Variants in KIAA0825 observed in about 807,000 individuals in gnomAD.
The protein encoded by KIAA0825 is uncharacterized protein KIAA0825.
Under a neutral mutation model 147.6 loss-of-function variants are expected in KIAA0825, and 119 were observed. The ratio of observed to expected loss-of-function variants is 0.81; its 90% CI spans 0.69 to 0.94. The LOEUF is 0.94. Ranked by LOEUF, KIAA0825 falls within the 40% of genes least tolerant of loss-of-function variation. KIAA0825 has a pLI of 0.00. For synonymous variants in KIAA0825, 470 were observed against 518.1 expected, an observed-to-expected ratio of 0.91 and a Z score of 1.26; for missense variants, 1,381 against 1,472.7, an observed-to-expected ratio of 0.94 and a Z score of 1.02.
At chr5:94,519,356 C>A in intron 5 of KIAA0825, 1 of 893,194 alleles carries the variant, frequency 1.1e-6, no homozygotes, top group Non-Finnish European at 1.3e-6. Context: ...AGTTTATGAA[C>A]TTATTCAGAA....
chr5:94,460,861 T>C (rs539769535), intron 12 of KIAA0825, among the ~76,000 whole-genome samples: 3 of 152,174 alleles, frequency 2.0e-5, no homozygotes, highest in African/African-American at 7.2e-5. Context: ...GATAAAACTT[T>C]TGAAATTTTC....
chr5:94,475,690 T>A (rs1023222860), intron 7 of KIAA0825, among the ~76,000 whole-genome samples: 4 of 152,040 alleles, frequency 2.6e-5, no homozygotes, highest in African/African-American at 9.7e-5. Context: ...GCGCCTGTAA[T>A]CCCAGCTACT....
intron 20 of KIAA0825, among the ~76,000 whole-genome samples, chr5:94,351,214 T>C (rs923592318): frequency 2.0e-5 from 3 of 151,278 alleles, no homozygotes; most frequent in African/African-American, 7.3e-5. Context: ...GATAAAAGAG[T>C]TCAGCAAAGT....
At chr5:94,186,938 T>G (rs781039503) in intron 20 of KIAA0825, among the ~76,000 whole-genome samples, 4 of 152,106 alleles carry the variant, frequency 2.6e-5, no homozygotes, top group Non-Finnish European at 4.4e-5. Flanking sequence ...TCAGAAGTCA[T>G]GTAGTAGAGC....
intron 14 of KIAA0825, among the ~76,000 whole-genome samples, chr5:94,425,597 T>A (rs888302777): frequency 6.6e-6 from 1 of 151,956 alleles, no homozygotes; most frequent in South Asian, 2.1e-4. Context: ...GGCAACAGAG[T>A]GAGACCCCAT....
Position 94,462,541 on chromosome 5 carries a change from T to C in KIAA0825, c.2092A>G (p.Thr698Ala). Reference sequence around the variant, plus strand: ...CAAACTGACCATAACATGTTCTCAGTGCATATCAAAATTGTTGTGACATCA... The same window carrying C: ...CAAACTGACCATAACATGTTCTCAGCGCATATCAAAATTGTTGTGACATCA... The part of the protein sequence containing the change: ...RLDVTTILIC[T>A]ENMLWSVCTS... Residue 698 changes from threonine to alanine, a missense_variant, in exon 12 of 21, where the codon ACT becomes GCT. Physicochemically the swap from Thr to Ala is moderately conservative, Grantham distance 58. Transcript: ENST00000682413. 6.6e-7 allele frequency: 1 copy of C among 1,514,870 alleles called. No homozygotes were observed. The highest frequency in any genetic ancestry group is 8.8e-7 in the Non-Finnish European group (1 of 1,132,364). 93.8% of individuals were successfully genotyped at this position (1,514,870 alleles called of 1,614,324 possible). A position where few individuals can be genotyped will look rare whatever the true frequency, so the allele number is the denominator to read the frequency against.
chr5:94,501,725 G>A (rs1765111993), intron 5 of KIAA0825, among the ~76,000 whole-genome samples: 1 of 152,014 alleles, frequency 6.6e-6, no homozygotes, highest in African/African-American at 2.4e-5. Context: ...TCTGAATATT[G>A]GTAGTTAAAG....
At chr5:94,488,112 C>T (rs1217287952) in intron 5 of KIAA0825, among the ~76,000 whole-genome samples, 1 of 152,176 alleles carries the variant, frequency 6.6e-6, no homozygotes, top group Non-Finnish European at 1.5e-5. Flanking sequence ...TTAGTAGAGA[C>T]GGTATTTCTC....
intron 20 of KIAA0825, among the ~76,000 whole-genome samples, chr5:94,254,818 C>G (rs1776158953): frequency 6.6e-6 from 1 of 152,104 alleles, no homozygotes; most frequent in South Asian, 2.1e-4. Flanking sequence ...CATGAGAGTG[C>G]TCTGCCTCTA....
At chr5:94,564,919 TCCTTCCATCCTTC>T (rs577506627) in intron 2 of KIAA0825, among the ~76,000 whole-genome samples, 58 of 150,608 alleles carry the variant, frequency 3.9e-4, no homozygotes, top group Admixed American at 3.6e-3. Context: ...TCTTTTCTTT[TCCTTCCATCCTTC>T]CCTTCCCTCC....
chr5:94,188,580 C>T (rs560886866), intron 20 of KIAA0825, among the ~76,000 whole-genome samples: 17 of 152,020 alleles, frequency 1.1e-4, no homozygotes, highest in South Asian at 6.2e-4. Context: ...TTTTGAGATT[C>T]GTTCACATTT....
chr5:94,297,875 C>G (rs775845656), intron 20 of KIAA0825, among the ~76,000 whole-genome samples: 1 of 148,978 alleles, frequency 6.7e-6, no homozygotes, highest in Non-Finnish European at 1.5e-5. Flanking sequence ...GGATTACAGG[C>G]GTGAGCCACC....
At chr5:94,497,313 C>G (rs1366458889) in intron 5 of KIAA0825, among the ~76,000 whole-genome samples, 1 of 152,234 alleles carries the variant, frequency 6.6e-6, no homozygotes, top group Non-Finnish European at 1.5e-5. Context: ...CCAATGAGAG[C>G]CAATGCACAC....
At chr5:94,279,319 G>A (rs1190997615) in intron 20 of KIAA0825, among the ~76,000 whole-genome samples, 1 of 152,016 alleles carries the variant, frequency 6.6e-6, no homozygotes, top group Admixed American at 6.6e-5. Flanking sequence ...GAGAGGTTTG[G>A]AAGTCTAGCT....
intron 20 of KIAA0825, among the ~76,000 whole-genome samples, chr5:94,166,301 T>C (rs1261514158): frequency 6.6e-6 from 1 of 152,188 alleles, no homozygotes; most frequent in Non-Finnish European, 1.5e-5. Context: ...TCTAAATCCA[T>C]ATTCAAAATC....
chr5:94,605,717 C>G (rs927038189), intron 1 of KIAA0825, among the ~76,000 whole-genome samples: 1 of 152,106 alleles, frequency 6.6e-6, no homozygotes, highest in Non-Finnish European at 1.5e-5. Flanking sequence ...ATTCAACATC[C>G]CTTCATGTTA....
chr5:94,336,341 A>G (rs1312652840), intron 20 of KIAA0825, among the ~76,000 whole-genome samples: 2 of 150,998 alleles, frequency 1.3e-5, no homozygotes, highest in East Asian at 3.9e-4. Flanking sequence ...TACACATGCC[A>G]TGGTGGTTTG....
chr5:94,412,128 C>T lies in KIAA0825; in HGVS notation c.2662+5073G>A, dbSNP rs537835525. On this transcript the variant is annotated intron_variant, in intron 15 of 20. Coordinates refer to ENST00000682413, the MANE Select transcript of KIAA0825 (RefSeq NM_001145678.3). Reference sequence around the variant, plus strand: ...AACCCTTTACAACTCAGTAAGACAACCAATTAATAAGTGGACAAAAGTTTT... The same window carrying T: ...AACCCTTTACAACTCAGTAAGACAATCAATTAATAAGTGGACAAAAGTTTT... Among the ~76,000 whole-genome samples, 9 of 151,974 alleles carry T rather than the reference C, an allele frequency of 5.9e-5. No homozygotes were observed. In the South Asian group the frequency reaches 6.2e-4, roughly 10 times the overall value.
intron 2 of KIAA0825, among the ~76,000 whole-genome samples, chr5:94,549,024 T>C (rs1561299245): frequency 1.3e-5 from 2 of 152,140 alleles, no homozygotes; most frequent in African/African-American, 2.4e-5. Context: ...GGACAGATCT[T>C]ACAAAGAGAA....
Sources: gnomAD v4.1 joint callset for allele counts (sites outside exome capture counted in the v4.1 genomes callset) on GRCh38, gnomAD v4.1.1 for gene constraint, MANE v1.5 for transcripts, NCBI Gene and HGNC (gene_info 2026-07-23, HGNC 2026-07-21) for gene names.